Variants in SORCS3 observed in about 807,000 individuals in gnomAD.
SORCS3 encodes the protein sortilin related VPS10 domain containing receptor 3.
In SORCS3, 57 loss-of-function variants were observed where a neutral mutation model predicts 146.3. The observed-to-expected ratio is 0.39, with a 90% CI of 0.31 to 0.49. SORCS3 has a LOEUF of 0.49. SORCS3 is among the 20% of genes least tolerant of loss of function. SORCS3 has a pLI of 0.92. For missense variants in SORCS3, 1,341 were observed against 1,575.5 expected, an observed-to-expected ratio of 0.85 and a Z score of 2.52; for synonymous variants, 653 against 618.5, an observed-to-expected ratio of 1.06 and a Z score of -0.83.
At chr10:104,813,517 A>G (rs2496032) in intron 1 of SORCS3, among the ~76,000 whole-genome samples, 25,580 of 152,080 alleles carry the variant, frequency 0.17, 2,500 homozygotes, top group African/African-American at 0.27. Flanking sequence ...TTGTGGAAGG[A>G]TTGAACCTGG....
Position 105,100,832 on chromosome 10 carries a change from C to T in SORCS3, c.1094-4565C>T, listed in dbSNP as rs138098442. Among the ~76,000 whole-genome samples, 504 of 152,298 alleles carry T rather than the reference C, an allele frequency of 3.3e-3. 4 individuals carry two copies. Among genetic ancestry groups the T allele is most frequent in the African/African-American group, 0.011 (473 of 41,570 alleles). ...TAAAAAATAACTAACATTTATTGAT[C>T]TTTTAAAATGTATCCACAATGTGCT... is the stretch of plus-strand genomic sequence containing the variant. On this transcript the variant is annotated intron_variant, in intron 6 of 26. Coordinates refer to ENST00000369701, the MANE Select transcript of SORCS3 (RefSeq NM_014978.3).
At chr10:105,050,560 T>A (rs35940173) in intron 5 of SORCS3, among the ~76,000 whole-genome samples, 1 of 151,952 alleles carries the variant, frequency 6.6e-6, no homozygotes, top group African/African-American at 2.4e-5. Flanking sequence ...CCTTCTCCAG[T>A]CAAGCCTTCA....
At chr10:105,094,280 G>C (rs1407141650) in intron 6 of SORCS3, among the ~76,000 whole-genome samples, 1 of 152,148 alleles carries the variant, frequency 6.6e-6, no homozygotes, top group African/African-American at 2.4e-5. Context: ...GATTGTGGTG[G>C]TGGTTACGTA....
intron 1 of SORCS3, among the ~76,000 whole-genome samples, chr10:104,813,361 T>C (rs1190175292): frequency 6.6e-6 from 1 of 152,184 alleles, no homozygotes; most frequent in African/African-American, 2.4e-5. Context: ...TATATATTTA[T>C]TTTTTTGTTT....
rs2019256866 is a variant in SORCS3 at position 104,936,052 on chromosome 10, T to C, written c.795+20120T>C. 2.0e-5 allele frequency among the ~76,000 whole-genome samples: 3 copies of C among 152,142 alleles called. No individual in the cohort carries two copies. In the South Asian group the frequency reaches 6.2e-4, roughly 32 times the overall value. ...GGATTTAAGGGAAAGGTAAGACTGA[T>C]AGAGTCCAGTATGACATTGCTTTGC... On this transcript the variant is annotated intron_variant, in intron 3 of 26. Transcript: ENST00000369701.
rs1465324450 is a variant in SORCS3 at position 105,135,264 on chromosome 10, T to G, written c.1213-4133T>G. Among the ~76,000 whole-genome samples the G allele has an allele frequency of 2.6e-5, 4 of 152,070 alleles. No homozygotes were observed. In the East Asian group the frequency reaches 7.8e-4, roughly 29 times the overall value. ...GAGTCCATGCAGCTGCACCAGAATG[T>G]GGCGATCAGAGACTTGAGGTAGTAC... On this transcript the variant is annotated intron_variant, in intron 7 of 26. Coordinates refer to ENST00000369701, the MANE Select transcript of SORCS3 (RefSeq NM_014978.3).
At chr10:105,130,681 G>C (rs1396182588) in intron 7 of SORCS3, among the ~76,000 whole-genome samples, 2 of 152,014 alleles carry the variant, frequency 1.3e-5, no homozygotes, top group Non-Finnish European at 2.9e-5. Flanking sequence ...TTATGTTAGG[G>C]CACCAATAAA....
intron 23 of SORCS3, among the ~76,000 whole-genome samples, chr10:105,254,386 GAATGAA>G (rs1240929430): frequency 6.6e-6 from 1 of 152,214 alleles, no homozygotes. Flanking sequence ...ATTAGGAGTT[GAATGAA>G]ACATCTATGT....
At chr10:104,966,956 G>GTT (rs199863178) in intron 3 of SORCS3, among the ~76,000 whole-genome samples, 1,479 of 138,940 alleles carry the variant, frequency 0.011, 24 homozygotes, top group African/African-American at 0.037. Context: ...AGCATTACAA[G>GTT]TTTTTTTTTT....
rs1215568969 is a variant in SORCS3 at position 104,837,749 on chromosome 10, G to A, written c.628-5043G>A. Among the ~76,000 whole-genome samples the A allele has an allele frequency of 3.3e-5, 5 of 152,302 alleles. No individual in the cohort carries two copies. The East Asian group carries it at 9.7e-4, about 30-fold the overall frequency. ...AGGTGTATTTCTAGTTCACATAAGAGGTACTCGGTAAATATTTGTGGAATT... is the reference window on the plus strand; with the variant it reads ...AGGTGTATTTCTAGTTCACATAAGAAGTACTCGGTAAATATTTGTGGAATT... On this transcript the variant is annotated intron_variant, in intron 1 of 26. Coordinates refer to ENST00000369701, the MANE Select transcript of SORCS3 (RefSeq NM_014978.3).
intron 1 of SORCS3, among the ~76,000 whole-genome samples, chr10:104,645,422 C>G (rs1376202752): frequency 1.3e-5 from 2 of 152,182 alleles, no homozygotes; most frequent in Non-Finnish European, 2.9e-5. Flanking sequence ...TGTGAAGGCA[C>G]AGTCCACTTC....
chr10:104,663,747 A>G (rs1208445852), intron 1 of SORCS3, among the ~76,000 whole-genome samples: 1 of 152,230 alleles, frequency 6.6e-6, no homozygotes, highest in African/African-American at 2.4e-5. Flanking sequence ...CTGAGCAACT[A>G]GGACAGACTT....
chr10:105,108,229 G>A (rs557130952), intron 7 of SORCS3, among the ~76,000 whole-genome samples: 14 of 152,276 alleles, frequency 9.2e-5, no homozygotes, highest in African/African-American at 2.9e-4. Flanking sequence ...GGAGCGTGGA[G>A]CCAGGTTGTC....
intron 1 of SORCS3, among the ~76,000 whole-genome samples, chr10:104,812,432 T>A (rs1336152744): frequency 6.6e-6 from 1 of 152,240 alleles, no homozygotes; most frequent in Non-Finnish European, 1.5e-5. Flanking sequence ...GTTGTATTAT[T>A]TCAGTTAAAG....
chr10:105,146,231 G>A (rs1338734044), intron 8 of SORCS3, among the ~76,000 whole-genome samples: 1 of 151,948 alleles, frequency 6.6e-6, no homozygotes, highest in Non-Finnish European at 1.5e-5. Flanking sequence ...TCTAGGTAAG[G>A]GCTTAAATTT....
intron 19 of SORCS3, among the ~76,000 whole-genome samples, chr10:105,220,749 C>G (rs185522311): frequency 6.6e-6 from 1 of 152,170 alleles, no homozygotes; most frequent in East Asian, 1.9e-4. Flanking sequence ...TTTCTCTTCC[C>G]CATTGATGAA....
intron 3 of SORCS3, among the ~76,000 whole-genome samples, chr10:104,926,876 A>G (rs2019152906): frequency 6.6e-6 from 1 of 152,228 alleles, no homozygotes; most frequent in Non-Finnish European, 1.5e-5. Flanking sequence ...ATTTTATTTG[A>G]AAATGGGAAG....
intron 8 of SORCS3, among the ~76,000 whole-genome samples, chr10:105,141,302 A>G (rs2056094059): frequency 6.6e-6 from 1 of 152,136 alleles, no homozygotes. Context: ...GCAGCTTCTC[A>G]TTAATATGAG....
At chr10:104,973,338 G>A (rs1442029445) in intron 3 of SORCS3, among the ~76,000 whole-genome samples, 2 of 151,750 alleles carry the variant, frequency 1.3e-5, no homozygotes, top group East Asian at 3.9e-4. Context: ...ACTCTTTTTG[G>A]TTGGTAAGCT....
Sources: allele counts gnomAD v4.1 joint callset (sites outside exome capture counted in the v4.1 genomes callset), GRCh38; gene constraint gnomAD v4.1.1; transcripts MANE v1.5; gene names NCBI Gene and HGNC (gene_info 2026-07-23, HGNC 2026-07-21).